SVOP: variants seen among roughly 807,000 people sequenced by gnomAD.
The protein encoded by SVOP is SV2 related protein.
Under a neutral mutation model 69.1 loss-of-function variants are expected in SVOP, and 17 were observed. The observed-to-expected ratio is 0.25, with a 90% CI of 0.17 to 0.37. The LOEUF is 0.37. SVOP is among the 10% of genes least tolerant of loss of function. The probability of loss-of-function intolerance (pLI) is 1.00; values close to 1 mark genes in which losing one functional copy is unlikely to be tolerated. For synonymous variants in SVOP, 238 were observed against 238.6 expected, an observed-to-expected ratio of 1.00 and a Z score of 0.02; for missense variants, 435 against 597.5, an observed-to-expected ratio of 0.73 and a Z score of 2.84.
chr12:108,986,709 C>A (rs1265217238), intron 1 of SVOP, among the ~76,000 whole-genome samples: 1 of 152,106 alleles, frequency 6.6e-6, no homozygotes, highest in African/African-American at 2.4e-5. Context: ...AAATGCAAAT[C>A]AAAATCACAA....
chr12:108,985,761 C>T (rs2040162780), intron 1 of SVOP, among the ~76,000 whole-genome samples: 2 of 152,114 alleles, frequency 1.3e-5, no homozygotes, highest in South Asian at 4.1e-4. Context: ...ACATTTGATC[C>T]ATGTTTTTAA....
intron 6 of SVOP, among the ~76,000 whole-genome samples, chr12:108,952,872 A>G (rs2039964073): frequency 1.3e-5 from 2 of 152,072 alleles, no homozygotes; most frequent in Admixed American, 1.3e-4. Flanking sequence ...AATAATAATA[A>G]TAACTATCTG....
chr12:108,961,084 T>C, intron 5 of SVOP, 37 bp from the exon 6 acceptor site: 1 of 1,524,788 alleles, frequency 6.6e-7, no homozygotes, highest in Non-Finnish European at 8.8e-7. Context: ...CAAGGGCTTT[T>C]CAGCACCTCC....
At chr12:108,922,056 A>G (rs1453350775) in intron 12 of SVOP, among the ~76,000 whole-genome samples, 1 of 152,002 alleles carries the variant, frequency 6.6e-6, no homozygotes, top group East Asian at 1.9e-4. Context: ...GTGTTGGAGG[A>G]TGATTCTCCA....
chr12:108,951,253 G>A (rs986817791), intron 6 of SVOP, among the ~76,000 whole-genome samples: 2 of 152,152 alleles, frequency 1.3e-5, no homozygotes, highest in African/African-American at 4.8e-5. Context: ...TAGGGCGTGG[G>A]TTACCTTACT....
At position 108,983,650 on chromosome 12, in the gene SVOP, C is replaced by T. The variant is rs1365563776; in HGVS notation, c.147G>A (p.Glu49=). 5.0e-6 allele frequency: 2 copies of T among 398,806 alleles called. No homozygotes were observed. Among genetic ancestry groups the T allele is most frequent in the Admixed American group, 8.8e-5 (2 of 22,720 alleles). The allele number at this position is 398,806 out of a possible 1,614,324, so 24.7% of individuals were successfully genotyped here. A position where few individuals can be genotyped will look rare whatever the true frequency, so the allele number is the denominator to read the frequency against. Reference sequence around the variant, plus strand: ...TGGGCACAGCTGCCCCATCATCCAGCTCCACAGCCTCTAGGCCCACGTGGA... The same window carrying T: ...TGGGCACAGCTGCCCCATCATCCAGTTCCACAGCCTCTAGGCCCACGTGGA... ...EGVHVGLEAV[E]LDDGAAVPKE... is the part of the protein sequence containing the mutation. Residue 49 remains glutamate, a synonymous_variant, in exon 2 of 16, where the codon GAG becomes GAA. Coordinates refer to ENST00000610966, the MANE Select transcript of SVOP (RefSeq NM_018711.5).
At chr12:109,005,921 A>G (rs1381531189) in intron 1 of SVOP, among the ~76,000 whole-genome samples, 2 of 152,172 alleles carry the variant, frequency 1.3e-5, no homozygotes, top group Non-Finnish European at 2.9e-5. Flanking sequence ...TCCTAAGACC[A>G]GTGGGACACC....
At chr12:108,972,005 G>A (rs1391388108) in intron 5 of SVOP, among the ~76,000 whole-genome samples, 1 of 151,886 alleles carries the variant, frequency 6.6e-6, no homozygotes, top group Non-Finnish European at 1.5e-5. Flanking sequence ...TGTGAGCTGA[G>A]ACTGTGCCAC....
At chr12:108,930,739 A>G (rs888770434) in intron 11 of SVOP, among the ~76,000 whole-genome samples, 1 of 152,096 alleles carries the variant, frequency 6.6e-6, no homozygotes, top group Admixed American at 6.6e-5. Flanking sequence ...TGGTGAGTTG[A>G]CTGCTTTTGA....
intron 4 of SVOP, among the ~76,000 whole-genome samples, chr12:108,975,770 C>T (rs894686280): frequency 1.9e-4 from 29 of 152,094 alleles, no homozygotes; most frequent in African/African-American, 5.8e-4. Flanking sequence ...GGTGAAATCT[C>T]GGCTCTCTGC....
chr12:108,998,896 G>A (rs1437681233), intron 1 of SVOP, among the ~76,000 whole-genome samples: 1 of 151,302 alleles, frequency 6.6e-6, no homozygotes, highest in Non-Finnish European at 1.5e-5. Flanking sequence ...GGAAGAAACT[G>A]CATCAACTAA....
chr12:108,972,575 A>G (rs1206182373), intron 4 of SVOP, 99 bp from the exon 5 acceptor site: 1 of 1,216,952 alleles, frequency 8.2e-7, no homozygotes, highest in Admixed American at 2.0e-5. Flanking sequence ...TCTAGGTAAC[A>G]GCAATGATCT....
At chr12:108,965,944 T>C (rs1419248611) in intron 5 of SVOP, among the ~76,000 whole-genome samples, 1 of 151,616 alleles carries the variant, frequency 6.6e-6, no homozygotes, top group African/African-American at 2.4e-5. Flanking sequence ...CCTTCCTTCT[T>C]TCCTTCTTTC....
intron 1 of SVOP, among the ~76,000 whole-genome samples, chr12:108,987,023 C>T (rs902610227): frequency 5.9e-5 from 9 of 151,996 alleles, no homozygotes; most frequent in African/African-American, 2.2e-4. Flanking sequence ...CAAAATTTGC[C>T]ATTTTAACCA....
In SVOP at chr12:108,978,560, C is replaced by A. The variant is rs1279395204; in HGVS notation, c.282+18G>T. The A allele has an allele frequency of 1.4e-6, 1 of 702,378 alleles. No homozygotes were observed. The highest frequency in any genetic ancestry group is 1.5e-5 in the South Asian group (1 of 67,318). 43.5% of individuals were successfully genotyped at this position (702,378 alleles called of 1,614,324 possible). ...GGGTTTCTTGGAGGCTGAGCCACTG[C>A]CCCCCAGAAATACTTGCCCAAGCCA... On this transcript the variant is annotated intron_variant, in intron 3 of 15. Transcript: ENST00000610966.
chr12:108,985,309 GAAAT>G (rs1317998548), intron 1 of SVOP, among the ~76,000 whole-genome samples: 48,141 of 147,974 alleles, frequency 0.33, 8,148 homozygotes, highest in African/African-American at 0.42. Context: ...GAGAGAGAAA[GAAAT>G]AAAAAAGGAA....
intron 1 of SVOP, among the ~76,000 whole-genome samples, chr12:108,986,884 C>G (rs923501763): frequency 2.6e-5 from 4 of 152,154 alleles, no homozygotes; most frequent in Non-Finnish European, 5.9e-5. Flanking sequence ...CATAGTCACT[C>G]TGAGCCTCAG....
At chr12:109,020,383 A>G (rs1238622317) in intron 1 of SVOP, among the ~76,000 whole-genome samples, 1 of 152,172 alleles carries the variant, frequency 6.6e-6, no homozygotes, top group African/African-American at 2.4e-5. Flanking sequence ...TTTATCAACC[A>G]GTTTGCAGCA....
intron 11 of SVOP, 91 bp downstream of exon 11, chr12:108,934,104 G>A (rs1231864248): frequency 1.7e-6 from 2 of 1,156,822 alleles, no homozygotes; most frequent in African/African-American, 1.5e-5. Context: ...AATCCCTTAA[G>A]GGCAGAGCCT....
Sources: allele counts gnomAD v4.1 joint callset (sites outside exome capture counted in the v4.1 genomes callset), GRCh38; gene constraint gnomAD v4.1.1; transcripts MANE v1.5; gene names NCBI Gene and HGNC (gene_info 2026-07-23, HGNC 2026-07-21).